Variants in GPR137C observed in about 807,000 individuals in gnomAD.
The protein encoded by GPR137C is integral membrane protein GPR137C.
In GPR137C, 27 loss-of-function variants were observed where a neutral mutation model predicts 43.4. That is an observed-to-expected ratio of 0.62 (90% confidence interval 0.46 to 0.86). The LOEUF is 0.86. Ranked by LOEUF, GPR137C falls within the 40% of genes least tolerant of loss-of-function variation. GPR137C has a pLI of 0.00. For synonymous variants in GPR137C, 285 were observed against 226.9 expected, an observed-to-expected ratio of 1.26 and a Z score of -2.30; for missense variants, 522 against 534.6, an observed-to-expected ratio of 0.98 and a Z score of 0.23.
At chr14:52,620,584 C>G (rs1478359202) in intron 3 of GPR137C, among the ~76,000 whole-genome samples, 1 of 149,794 alleles carries the variant, frequency 6.7e-6, no homozygotes, top group Non-Finnish European at 1.5e-5. Flanking sequence ...AAAACCAAAA[C>G]TCAAAAGGCA....
At chr14:52,598,366 T>G in intron 2 of GPR137C, 51 bp downstream of exon 2, 2 of 763,044 alleles carry the variant, frequency 2.6e-6, no homozygotes. Flanking sequence ...AAAGCATTAA[T>G]TCATTAATAT....
Position 52,552,918 on chromosome 14 carries a change from G to A in GPR137C, c.-230G>A, listed in dbSNP as rs1436548371. 6.6e-6 allele frequency among the ~76,000 whole-genome samples: 1 copy of A among 151,842 alleles called. No individual in the cohort carries two copies. The highest frequency in any genetic ancestry group is 1.5e-5 in the Non-Finnish European group (1 of 67,906). ...AGTTGTTTTTTGCAGCTACGGAGCC[G>A]AGCCGCAGCAGGAGGAGCCGAGACC... On this transcript the variant is annotated 5_prime_UTR_variant, in exon 1 of 7. Coordinates refer to ENST00000321662, the MANE Select transcript of GPR137C (RefSeq NM_001099652.2).
chr14:52,555,293 C>G (rs1372978779), intron 1 of GPR137C, among the ~76,000 whole-genome samples: 3 of 151,992 alleles, frequency 2.0e-5, no homozygotes, highest in Non-Finnish European at 1.5e-5. Context: ...GGTAAACACT[C>G]TTTTTACTTC....
intron 1 of GPR137C, among the ~76,000 whole-genome samples, chr14:52,579,827 A>T (rs1435699268): frequency 1.3e-5 from 2 of 152,112 alleles, no homozygotes; most frequent in African/African-American, 4.8e-5. Flanking sequence ...AGTGCCCAAG[A>T]TTTTTTTTAT....
At chr14:52,559,913 C>T (rs563467279) in intron 1 of GPR137C, among the ~76,000 whole-genome samples, 23 of 152,254 alleles carry the variant, frequency 1.5e-4, no homozygotes, top group African/African-American at 1.9e-4. Context: ...TTAATCTCAG[C>T]GCTTTGGGAG....
intron 1 of GPR137C, among the ~76,000 whole-genome samples, chr14:52,566,485 G>C (rs2038372257): frequency 6.6e-6 from 1 of 152,120 alleles, no homozygotes; most frequent in Admixed American, 6.5e-5. Flanking sequence ...AAGAGCTTTT[G>C]TGGAAGAGAA....
chr14:52,579,110 T>A (rs770475448), intron 1 of GPR137C, among the ~76,000 whole-genome samples: 3 of 152,064 alleles, frequency 2.0e-5, no homozygotes, highest in Non-Finnish European at 4.4e-5. Context: ...GAAAAAAAAA[T>A]ATTCTAATCT....
At chr14:52,579,371 G>C (rs1316105394) in intron 1 of GPR137C, among the ~76,000 whole-genome samples, 1 of 152,164 alleles carries the variant, frequency 6.6e-6, no homozygotes, top group Admixed American at 6.5e-5. Context: ...ATGGACTAGG[G>C]AAAGAGAGAT....
At chr14:52,594,791 T>C (rs1259603892) in intron 1 of GPR137C, among the ~76,000 whole-genome samples, 4 of 152,220 alleles carry the variant, frequency 2.6e-5, no homozygotes, top group African/African-American at 9.6e-5. Context: ...TCTGTGTCTT[T>C]TAACTGGGGG....
intron 1 of GPR137C, among the ~76,000 whole-genome samples, chr14:52,554,982 T>C (rs2038170666): frequency 6.6e-6 from 1 of 152,062 alleles, no homozygotes; most frequent in African/African-American, 2.4e-5. Context: ...AATCAAATGA[T>C]GCCATAGTCG....
intron 1 of GPR137C, among the ~76,000 whole-genome samples, chr14:52,591,162 CATTCTT>C (rs1051640233): frequency 6.6e-6 from 1 of 152,174 alleles, no homozygotes; most frequent in African/African-American, 2.4e-5. Context: ...GACAGGAACT[CATTCTT>C]TTTTATGGCT....
intron 1 of GPR137C, among the ~76,000 whole-genome samples, chr14:52,588,899 T>A (rs2038745024): frequency 6.6e-6 from 1 of 152,206 alleles, no homozygotes; most frequent in African/African-American, 2.4e-5. Flanking sequence ...CAACTTTCTC[T>A]CAAATGATTT....
intron 3 of GPR137C, among the ~76,000 whole-genome samples, chr14:52,621,995 G>A (rs1002887321): frequency 2.4e-4 from 37 of 151,706 alleles, no homozygotes; most frequent in African/African-American, 8.7e-4. Context: ...GAGAAGATTG[G>A]CATTGTTTTA....
intron 1 of GPR137C, among the ~76,000 whole-genome samples, chr14:52,588,057 T>C (rs938166712): frequency 2.6e-5 from 4 of 152,238 alleles, no homozygotes; most frequent in Non-Finnish European, 5.9e-5. Flanking sequence ...TTGCTGTATG[T>C]GATACTCTTT....
In GPR137C at chr14:52,632,214, T is replaced by C. The variant is rs759526790; in HGVS notation, c.772T>C (p.Ser258Pro). 6.2e-7 allele frequency: 1 copy of C among 1,606,856 alleles called. No individual in the cohort carries two copies. The highest frequency in any genetic ancestry group is 1.1e-5 in the South Asian group (1 of 90,908). The change falls in exon 4 of 7, where the codon TCT (serine) becomes CCT (proline). Residue 258 changes from serine (S) to proline (P), a missense_variant. This residue lies in a region of GPR137C where 437 missense variants were observed against 425.7 expected (regional missense o/e 1.03). Coordinates refer to ENST00000321662, the MANE Select transcript of GPR137C (RefSeq NM_001099652.2). ...GGGCTCTGTAGTCATTCTTCTGTAC[T>C]CTTCCAGAGCTTGTTATAATTTGGT... The part of the protein sequence containing the change: ...VVGSVVILLY[S>P]SRACYNLVVV...
rs1416596806 is a variant in GPR137C, at chr14:52,553,132, GGC to G, written c.-15_-14del. The G allele has an allele frequency of 8.6e-7, 1 of 1,162,832 alleles. No homozygotes were observed. The highest frequency in any genetic ancestry group is 1.6e-5 in the African/African-American group (1 of 61,506). 72.0% of individuals were successfully genotyped at this position (1,162,832 alleles called of 1,614,324 possible). On this transcript the variant is annotated 5_prime_UTR_variant, in exon 1 of 7. Transcript: ENST00000321662. ...CCTTCCTTCCCGCGCTCGCTCGCCC[GGC>G]CCCCAGCCCCCTCATGAGGGTGTCC...
intron 3 of GPR137C, among the ~76,000 whole-genome samples, chr14:52,604,713 G>T (rs2038965021): frequency 6.6e-6 from 1 of 152,148 alleles, no homozygotes. Context: ...CTCCCAAAGT[G>T]CCAGGATTAC....
At chr14:52,556,391 C>CTTTTTTTTTT in intron 1 of GPR137C, among the ~76,000 whole-genome samples, 1 of 140,276 alleles carries the variant, frequency 7.1e-6, no homozygotes. Flanking sequence ...CCCCTTTTTT[C>CTTTTTTTTTT]TTTTTTTTTT....
intron 3 of GPR137C, among the ~76,000 whole-genome samples, chr14:52,626,279 A>G (rs1362309435): frequency 6.6e-6 from 1 of 152,192 alleles, no homozygotes; most frequent in East Asian, 1.9e-4. Context: ...TAATACTTAG[A>G]GATAAAATCT....
Sources: gnomAD v4.1 joint callset for allele counts (sites outside exome capture counted in the v4.1 genomes callset) on GRCh38, gnomAD v4.1.1 for gene constraint, gnomAD v4.1.1 regional missense constraint, MANE v1.5 for transcripts, NCBI Gene and HGNC (gene_info 2026-07-23, HGNC 2026-07-21) for gene names.